Variants in PEX11G observed in about 807,000 individuals in gnomAD.
PEX11G encodes the protein peroxisomal biogenesis factor 11 gamma.
Under a neutral mutation model 22.5 loss-of-function variants are expected in PEX11G, and 20 were observed. That is an observed-to-expected ratio of 0.89 (90% CI 0.62 to 1.29). The LOEUF is 1.29. PEX11G is among the 50% of genes most tolerant of loss of function. The probability of loss-of-function intolerance (pLI) is 0.00; values close to 1 mark genes in which losing one functional copy is unlikely to be tolerated. For synonymous variants in PEX11G, 141 were observed against 154.5 expected (o/e 0.91, Z 0.65); for missense variants, 347 against 331.3 (o/e 1.05, Z -0.37).
chr19:7,490,705 T>C (rs1455068459), upstream of PEX11G, among the ~76,000 whole-genome samples: 5 of 143,030 alleles, frequency 3.5e-5, no homozygotes, highest in African/African-American at 1.3e-4. Context: ...GGAACCAAAT[T>C]TGTAGATGTG....
upstream of PEX11G, among the ~76,000 whole-genome samples, chr19:7,490,582 G>A (rs1291499720): frequency 3.6e-5 from 5 of 138,414 alleles, no homozygotes; most frequent in East Asian, 2.2e-4. Flanking sequence ...CTCGTGATCC[G>A]CCCGTCTCTG....
chr19:7,481,978 T>C, intron 3 of PEX11G, 55 bp downstream of exon 3: 1 of 1,465,272 alleles, frequency 6.8e-7, no homozygotes, highest in South Asian at 1.4e-5. Flanking sequence ...GCCACTTTGC[T>C]AAGGAGGCAC....
At chr19:7,493,232 G>T (rs2021920507), upstream of PEX11G, among the ~76,000 whole-genome samples, 1 of 151,750 alleles carries the variant, frequency 6.6e-6, no homozygotes, top group Admixed American at 6.6e-5. Flanking sequence ...TCACTCGGTT[G>T]CCCAGGCTGG....
Position 7,478,624 on chromosome 19 carries a change from C to G in PEX11G, c.429-248G>C, listed in dbSNP as rs570447007. ...TCTGACGTGGCCATCCAGGGCCTGG[C>G]CCAGCCTCTGCAAACCACTGGCAAG... On this transcript the variant is annotated intron_variant, in intron 3 of 4. Coordinates refer to ENST00000221480, the MANE Select transcript of PEX11G (RefSeq NM_080662.4). 4.6e-5 allele frequency among the ~76,000 whole-genome samples: 7 copies of G among 152,282 alleles called. No individual in the cohort carries two copies. In the East Asian group the frequency reaches 7.7e-4, roughly 17 times the overall value.
At chr19:7,485,716 G>T in intron 2 of PEX11G, 122 bp downstream of exon 2, 1 of 892,540 alleles carries the variant, frequency 1.1e-6, no homozygotes, top group Non-Finnish European at 1.7e-6. Flanking sequence ...TGATCCGCCA[G>T]CCTTGGCCTC....
Position 7,482,180 on chromosome 19 carries a change from A to G in PEX11G, c.281T>C (p.Val94Ala). ...GAGCTGGTCAGCCAGGTTCCCTAGG[A>G]CGGAGACACAGCGGACAAAGGCGTC... ...EEDAFVRCVS[V>A]LGNLADQLYY... The change falls in exon 3 of 5, where the codon GTC (valine) becomes GCC (alanine). Residue 94 changes from valine to alanine, a missense_variant. Coordinates refer to ENST00000221480, the MANE Select transcript of PEX11G (RefSeq NM_080662.4). 6.3e-7 allele frequency: 1 copy of G among 1,582,602 alleles called. No homozygotes were observed. Among genetic ancestry groups the G allele is most frequent in the Non-Finnish European group, 8.6e-7 (1 of 1,165,152 alleles).
chr19:7,489,188 C>A, upstream of PEX11G: 1 of 761,580 alleles, frequency 1.3e-6, no homozygotes, highest in Non-Finnish European at 1.6e-6. Context: ...GGGGCCGACA[C>A]GTGTGTGCTC....
chr19:7,489,147 G>T, upstream of PEX11G: 2 of 1,198,194 alleles, frequency 1.7e-6, no homozygotes, highest in Non-Finnish European at 2.2e-6. Flanking sequence ...CTTTTTGTCC[G>T]CTGTAGGGGA....
chr19:7,478,056 C>G (rs547925157), intron 4 of PEX11G, among the ~76,000 whole-genome samples: 2 of 152,350 alleles, frequency 1.3e-5, no homozygotes, highest in African/African-American at 4.8e-5. Context: ...GTAACAATGG[C>G]CATGGCCTTC....
intron 3 of PEX11G, among the ~76,000 whole-genome samples, chr19:7,480,791 C>T (rs551573533): frequency 7.2e-5 from 11 of 152,260 alleles, no homozygotes; most frequent in Non-Finnish European, 1.5e-4. Flanking sequence ...CTCACCCCAG[C>T]GATCTAAGAG....
At position 7,477,291 on chromosome 19, in the gene PEX11G, G is replaced by T; in HGVS notation, c.637C>A (p.Leu213Ile). Residue 213 changes from leucine (L) to isoleucine (I), a missense_variant, in exon 5 of 5, where the codon CTA becomes ATA. Transcript: ENST00000221480. ...GAGATGGTGCCCATGAGGCCCACTA[G>T]CCACGGCGGGAAGCGGCCGGCCCAC... ...VLWAGRFPPW[L>I]VGLMGTISSI... is the part of the protein sequence containing the mutation. 1 of 1,578,328 alleles carries T rather than the reference G, an allele frequency of 6.3e-7. No homozygotes were observed. The highest frequency in any genetic ancestry group is 8.6e-7 in the Non-Finnish European group (1 of 1,163,714).
upstream of PEX11G, among the ~76,000 whole-genome samples, chr19:7,491,801 C>T (rs1474386838): frequency 6.6e-6 from 1 of 151,990 alleles, no homozygotes; most frequent in Non-Finnish European, 1.5e-5. Context: ...TACAGGTGCA[C>T]GCCACCACAT....
chr19:7,483,273 C>G (rs1977590560), intron 2 of PEX11G: 1 of 152,282 alleles, frequency 6.6e-6, no homozygotes, highest in African/African-American at 2.4e-5. Flanking sequence ...TCCCTCCGGG[C>G]TCTGAACCTC....
chr19:7,489,591 T>C (rs2021829857), upstream of PEX11G: 1 of 806,208 alleles, frequency 1.2e-6, no homozygotes, highest in African/African-American at 1.9e-5. Context: ...CCATCACCCC[T>C]TGCTAGTTTC....
chr19:7,480,686 A>C (rs1425166073), intron 3 of PEX11G, among the ~76,000 whole-genome samples: 1 of 152,120 alleles, frequency 6.6e-6, no homozygotes, highest in Non-Finnish European at 1.5e-5. Flanking sequence ...CGGGGGGAAA[A>C]CAAGAACTAC....
At chr19:7,488,042 C>G (rs1440461845) in intron 1 of PEX11G, among the ~76,000 whole-genome samples, 3 of 152,186 alleles carry the variant, frequency 2.0e-5, no homozygotes, top group African/African-American at 7.2e-5. Context: ...TTGATTGGAA[C>G]TAAAAACTGT....
At position 7,489,033 on chromosome 19, in the gene PEX11G, G is replaced by A. The variant is rs868184357; in HGVS notation, c.-23C>T. The A allele has an allele frequency of 3.3e-6, 5 of 1,499,610 alleles. No individual in the cohort carries two copies. The highest frequency in any genetic ancestry group is 2.5e-5 in the South Asian group (2 of 79,778). The allele number at this position is 1,499,610 out of a possible 1,614,324, so 92.9% of individuals were successfully genotyped here. A position where few individuals can be genotyped will look rare whatever the true frequency, so the allele number is the denominator to read the frequency against. ...CATGGCAACTCCGTGACGTCACCGC[G>A]ACGTCGGCGCGCCGCGCCAGGGGGC... On this transcript the variant is annotated 5_prime_UTR_variant, in exon 1 of 5. Transcript: ENST00000221480.
Position 7,477,303 on chromosome 19 carries a change from A to T in PEX11G, c.625T>A (p.Phe209Ile), listed in dbSNP as rs1977262163. Reference sequence around the variant, plus strand: ...ATGAGGCCCACTAGCCACGGCGGGAAGCGGCCGGCCCACAGCACGCCCCGG... The same window carrying T: ...ATGAGGCCCACTAGCCACGGCGGGATGCGGCCGGCCCACAGCACGCCCCGG... ...LPRGVLWAGR[F>I]PPWLVGLMGT... Residue 209 changes from phenylalanine to isoleucine, a missense_variant, in exon 5 of 5, where the codon TTC (phenylalanine) becomes ATC (isoleucine). Phe to Ile is a conservative substitution (Grantham distance 21). Coordinates refer to ENST00000221480, the MANE Select transcript of PEX11G (RefSeq NM_080662.4). 6.4e-7 allele frequency: 1 copy of T among 1,568,136 alleles called. No homozygotes were observed. The highest frequency in any genetic ancestry group is 1.7e-4 in the Middle Eastern group (1 of 5,928).
intron 3 of PEX11G, among the ~76,000 whole-genome samples, chr19:7,480,082 G>A (rs931121615): frequency 6.6e-6 from 1 of 152,074 alleles, no homozygotes; most frequent in Non-Finnish European, 1.5e-5. Context: ...TGGGCAACAT[G>A]GCAAAACCGT....
Sources: gnomAD v4.1 joint callset for allele counts (sites outside exome capture counted in the v4.1 genomes callset) on GRCh38, gnomAD v4.1.1 for gene constraint, MANE v1.5 for transcripts, NCBI Gene and HGNC (gene_info 2026-07-23, HGNC 2026-07-21) for gene names.